Variants in ADAM7 observed in about 807,000 individuals in gnomAD.
ADAM7 encodes the protein disintegrin and metalloproteinase domain-containing protein 7.
A neutral mutation model predicts 102.9 loss-of-function variants in ADAM7; 97 were observed. The ratio of observed to expected loss-of-function variants is 0.94; its 90% CI spans 0.80 to 1.12. The LOEUF (loss-of-function observed/expected upper bound fraction) is 1.12, where lower values mean the gene tolerates loss of function less well. Ranked by LOEUF, ADAM7 falls within the 50% of genes most tolerant of loss-of-function variation. The pLI is 0.00. For synonymous variants in ADAM7, 334 were observed against 304.4 expected, an observed-to-expected ratio of 1.10 and a Z score of -1.01; for missense variants, 991 against 908.7, an observed-to-expected ratio of 1.09 and a Z score of -1.16.
chr8:24,499,360 T>G, intron 17 of ADAM7, 44 bp downstream of exon 17: 1 of 1,450,816 alleles, frequency 6.9e-7, no homozygotes, highest in Non-Finnish European at 9.5e-7. Context: ...ATCAGCCATA[T>G]ATTTACTTTA....
At chr8:24,465,989 A>G (rs1379764508) in intron 5 of ADAM7, among the ~76,000 whole-genome samples, 1 of 152,246 alleles carries the variant, frequency 6.6e-6, no homozygotes, top group Admixed American at 6.5e-5. Context: ...CAAGCTTTGC[A>G]GTATATGAAT....
At chr8:24,490,688 T>C (rs1429228837) in intron 12 of ADAM7, 111 bp from the exon 13 acceptor site, 3 of 1,011,996 alleles carry the variant, frequency 3.0e-6, no homozygotes, top group African/African-American at 3.2e-5. Flanking sequence ...CCAACAATCA[T>C]GCATCACTAT....
intron 7 of ADAM7, among the ~76,000 whole-genome samples, chr8:24,473,977 A>C (rs2129385223): frequency 6.6e-6 from 1 of 152,272 alleles, no homozygotes; most frequent in Middle Eastern, 3.4e-3. Context: ...GAAGAAAATA[A>C]AGTATATTTA....
intron 7 of ADAM7, among the ~76,000 whole-genome samples, chr8:24,473,464 A>C (rs1385228094): frequency 6.6e-6 from 1 of 152,172 alleles, no homozygotes; most frequent in African/African-American, 2.4e-5. Flanking sequence ...GCATCAAAGC[A>C]CCAAAAGAGA....
chr8:24,447,086 G>A (rs1413232345), intron 2 of ADAM7, 100 bp from the exon 3 acceptor site: 1 of 541,346 alleles, frequency 1.8e-6, no homozygotes, highest in Non-Finnish European at 3.2e-6. Flanking sequence ...AGGACTGCTG[G>A]GTGGATTGGA....
intron 16 of ADAM7, among the ~76,000 whole-genome samples, chr8:24,495,937 G>A (rs969967789): frequency 2.6e-5 from 4 of 152,204 alleles, no homozygotes; most frequent in Non-Finnish European, 5.9e-5. Context: ...GTAATGAGAT[G>A]CCAAATGTTA....
rs540967213 is a variant in ADAM7, at chr8:24,451,280, T to C, written c.233+4018T>C. ...ATTCGGCTGTGAATCCATCTGGTCCTCGACTCTTTTTGGTTGGTAAGCTAT... is the reference window on the plus strand; with the variant it reads ...ATTCGGCTGTGAATCCATCTGGTCCCCGACTCTTTTTGGTTGGTAAGCTAT... On this transcript the variant is annotated intron_variant, in intron 3 of 21. Coordinates refer to ENST00000175238, the MANE Select transcript of ADAM7 (RefSeq NM_003817.4). 2.0e-5 allele frequency among the ~76,000 whole-genome samples: 3 copies of C among 152,274 alleles called. No individual in the cohort carries two copies. The South Asian group carries it at 6.2e-4, about 32-fold the overall frequency.
chr8:24,488,299 T>C (rs1314616965), intron 11 of ADAM7, among the ~76,000 whole-genome samples: 2 of 152,134 alleles, frequency 1.3e-5, no homozygotes, highest in African/African-American at 4.8e-5. Flanking sequence ...GCCTTCCCCA[T>C]TGTACTGTGA....
At chr8:24,486,213 T>A (rs541855180) in intron 10 of ADAM7, among the ~76,000 whole-genome samples, 1 of 152,210 alleles carries the variant, frequency 6.6e-6, no homozygotes, top group Non-Finnish European at 1.5e-5. Context: ...GATGACCAAA[T>A]TAGGTATGTT....
At chr8:24,445,361 C>G (rs1818517146) in intron 2 of ADAM7, among the ~76,000 whole-genome samples, 1 of 152,198 alleles carries the variant, frequency 6.6e-6, no homozygotes, top group Non-Finnish European at 1.5e-5. Context: ...CTAATGCACA[C>G]TTAACATTGA....
intron 10 of ADAM7, 112 bp downstream of exon 10, chr8:24,485,473 G>A: frequency 2.4e-6 from 2 of 836,476 alleles, no homozygotes; most frequent in East Asian, 2.7e-5. Context: ...TACTCACTAA[G>A]ATATGTCATG....
chr8:24,506,033 C>A, intron 20 of ADAM7: 1 of 1,242,618 alleles, frequency 8.0e-7, no homozygotes, highest in Non-Finnish European at 1.2e-6. Context: ...ATGTCTGGGT[C>A]TTTCAGTATT....
intron 8 of ADAM7, among the ~76,000 whole-genome samples, chr8:24,476,884 GT>G (rs1198963192): frequency 1.3e-5 from 2 of 152,138 alleles, no homozygotes; most frequent in African/African-American, 4.8e-5. Flanking sequence ...GGCATAGAAA[GT>G]GGAGTAACTG....
chr8:24,507,336 T>A, intron 20 of ADAM7, 144 bp from the exon 21 acceptor site: 1 of 620,996 alleles, frequency 1.6e-6, no homozygotes, highest in Admixed American at 2.8e-5. Flanking sequence ...TTACAAACTG[T>A]CTTGGATTTT....
intron 3 of ADAM7, among the ~76,000 whole-genome samples, chr8:24,463,604 T>G (rs762994126): frequency 3.6e-4 from 55 of 152,210 alleles, no homozygotes; most frequent in Non-Finnish European, 6.6e-4. Flanking sequence ...CTCTGATTTT[T>G]GCTTAGATAA....
intron 9 of ADAM7, among the ~76,000 whole-genome samples, 191 bp downstream of exon 9, chr8:24,482,502 T>G (rs914903194): frequency 2.0e-5 from 3 of 152,122 alleles, no homozygotes; most frequent in African/African-American, 7.2e-5. Flanking sequence ...AATCCCAACA[T>G]TTTAGGAGAC....
Position 24,506,015 on chromosome 8 carries a change from A to G in ADAM7, c.2209-1465A>G, listed in dbSNP as rs1026279439. 7.1e-6 allele frequency: 8 copies of G among 1,126,298 alleles called. No individual in the cohort carries two copies. The Admixed American group carries it at 1.4e-4, about 20-fold the overall frequency. The allele number at this position is 1,126,298 out of a possible 1,614,324, so 69.8% of individuals were successfully genotyped here. A position where few individuals can be genotyped will look rare whatever the true frequency, so the allele number is the denominator to read the frequency against. ...ATGTTGTAGGATAACAATCTACACA[A>G]GAATATTATGTCTGGGTCTTTCAGT... On this transcript the variant is annotated intron_variant, in intron 20 of 21. Transcript: ENST00000175238.
chr8:24,446,286 A>C (rs1237253728), intron 2 of ADAM7, among the ~76,000 whole-genome samples: 1 of 152,198 alleles, frequency 6.6e-6, no homozygotes, highest in Non-Finnish European at 1.5e-5. Context: ...TAAAGGAAAA[A>C]TATTGATGTG....
chr8:24,480,761 C>G (rs1034094299), intron 8 of ADAM7, among the ~76,000 whole-genome samples: 14 of 151,980 alleles, frequency 9.2e-5, no homozygotes, highest in Non-Finnish European at 2.1e-4. Context: ...GGGTCAAGAT[C>G]CTGGTGTGGT....
Sources: gnomAD v4.1 joint callset for allele counts (sites outside exome capture counted in the v4.1 genomes callset) on GRCh38, gnomAD v4.1.1 for gene constraint, MANE v1.5 for transcripts, NCBI Gene and HGNC (gene_info 2026-07-23, HGNC 2026-07-21) for gene names.